Variants in DERPC observed in about 807,000 individuals in gnomAD.
DERPC encodes the protein decreased expression in renal and prostate cancer protein.
In DERPC, 1 loss-of-function variant was observed where a neutral mutation model predicts 7.2. That is an observed-to-expected ratio of 0.14 (90% CI 0.05 to 0.66). The LOEUF (loss-of-function observed/expected upper bound fraction) is 0.66. DERPC is among the 30% of genes least tolerant of loss of function. DERPC has a pLI of 0.84. For missense variants in DERPC, 502 were observed against 299.4 expected, an observed-to-expected ratio of 1.68 and a Z score of -4.99; for synonymous variants, 185 against 117.6, an observed-to-expected ratio of 1.57 and a Z score of -3.71.
Position 69,120,519 on chromosome 16 carries a change from C to G in DERPC, c.-91G>C, listed in dbSNP as rs1171102841. 6.2e-7 allele frequency: 1 copy of G among 1,614,048 alleles called. No homozygotes were observed. Among genetic ancestry groups the G allele is most frequent in the Non-Finnish European group, 8.5e-7 (1 of 1,179,990 alleles). On this transcript the variant is annotated 5_prime_UTR_variant, in exon 3 of 3. Transcript: ENST00000519520. The surrounding 1 kb of genome is among the most constrained non-coding windows in gnomAD (Gnocchi z 4.0). The stretch of plus-strand genomic sequence containing the variant: ...GAGTGCTGTCACCAGGTACCGGGTG[C>G]CAGTCTCGCGGCCAAGCTCATCACA...
chr16:69,125,312 T>G (rs1464567512), intron 1 of DERPC, among the ~76,000 whole-genome samples: 1 of 152,216 alleles, frequency 6.6e-6, no homozygotes, highest in Non-Finnish European at 1.5e-5. Flanking sequence ...CATTCAACCA[T>G]CATCACAAGT....
At chr16:69,125,613 C>T (rs936106752) in intron 1 of DERPC, among the ~76,000 whole-genome samples, 1 of 152,192 alleles carries the variant, frequency 6.6e-6, no homozygotes, top group Non-Finnish European at 1.5e-5. Context: ...TGAGTCAGAC[C>T]TTCTGCACCA....
intron 1 of DERPC, among the ~76,000 whole-genome samples, chr16:69,130,653 G>T (rs1962431891): frequency 6.6e-6 from 1 of 152,198 alleles, no homozygotes; most frequent in South Asian, 2.1e-4. Flanking sequence ...AACGAGTAAT[G>T]AATGTAAAGC....
At position 69,120,509 on chromosome 16, in the gene DERPC, G is replaced by A. The variant is rs1226379447; in HGVS notation, c.-81C>T. 6.2e-7 allele frequency: 1 copy of A among 1,614,034 alleles called. No homozygotes were observed. The highest frequency in any genetic ancestry group is 1.7e-5 in the Admixed American group (1 of 60,006). Reference sequence around the variant, plus strand: ...TGTCTTTGATGAGTGCTGTCACCAGGTACCGGGTGCCAGTCTCGCGGCCAA... The same window carrying A: ...TGTCTTTGATGAGTGCTGTCACCAGATACCGGGTGCCAGTCTCGCGGCCAA... On this transcript the variant is annotated 5_prime_UTR_variant, in exon 3 of 3. Transcript: ENST00000519520. This position sits in a 1 kb window ranked among gnomAD's most constrained non-coding sequence, Gnocchi z 4.0.
In DERPC at chr16:69,118,739, A is replaced by G. The variant is rs762134855; in HGVS notation, c.*115T>C. The G allele has an allele frequency of 3.1e-6, 2 of 639,232 alleles. No homozygotes were observed. The highest frequency in any genetic ancestry group is 1.8e-5 in the African/African-American group (1 of 55,008). 39.6% of individuals were successfully genotyped at this position (639,232 alleles called of 1,614,324 possible). On this transcript the variant is annotated 3_prime_UTR_variant, in exon 3 of 3. Transcript: ENST00000519520. ...GAAAAAGATGGCTCATTTGAACTTG[A>G]GCCCAAGCTATGTTCTTCAGACTGT...
rs763651430 is a variant in DERPC at position 69,119,376 on chromosome 16, T to A, written c.1053A>T (p.Pro351=). The change falls in exon 3 of 3, where the codon CCA becomes CCT. Residue 351 remains proline (P), a synonymous_variant. Transcript: ENST00000519520. ...IGPNSAHFSR[P]VGPMGVNANP... ...TGGCATTTACCCCCATGGGGCCAAC[T>A]GGCCTTGAGAAATGAGCTGAATTAG... 41 of 702,900 alleles carry A rather than the reference T, an allele frequency of 5.8e-5. No individual in the cohort carries two copies. The allele number at this position is 702,900 out of a possible 1,614,324, so 43.5% of individuals were successfully genotyped here.
chr16:69,118,649 T>C lies in DERPC; in HGVS notation c.*205A>G. 1 of 695,820 alleles carries C rather than the reference T, an allele frequency of 1.4e-6. No individual in the cohort carries two copies. The highest frequency in any genetic ancestry group is 2.6e-6 in the Non-Finnish European group (1 of 380,838). The allele number at this position is 695,820 out of a possible 1,614,324, so 43.1% of individuals were successfully genotyped here. ...ATCCTTTCTCTCAAGGGCAGGATTA[T>C]TCCCACCTGCCACAGTTCACATGCC... is the stretch of plus-strand genomic sequence containing the variant. On this transcript the variant is annotated 3_prime_UTR_variant, in exon 3 of 3. Coordinates refer to ENST00000519520, the MANE Select transcript of DERPC (RefSeq NM_001002847.4).
chr16:69,121,513 G>A lies in DERPC; in HGVS notation c.-279-20C>T, dbSNP rs1037245919. ...AACAAGCTGTAGAGAGAAAAAAAGA[G>A]ATTTAGGGTAATAACAACAACAACT... On this transcript the variant is annotated intron_variant, in intron 1 of 2. Coordinates refer to ENST00000519520, the MANE Select transcript of DERPC (RefSeq NM_001002847.4). The A allele has an allele frequency of 9.5e-6, 14 of 1,469,440 alleles. No individual in the cohort carries two copies. The Admixed American group carries it at 1.0e-4, about 11-fold the overall frequency. The allele number at this position is 1,469,440 out of a possible 1,614,324, so 91.0% of individuals were successfully genotyped here.
At position 69,119,821 on chromosome 16, in the gene DERPC, A is replaced by G. The variant is rs1961487940; in HGVS notation, c.608T>C (p.Val203Ala). Residue 203 changes from valine to alanine, a missense_variant, in exon 3 of 3, where the codon GTT becomes GCT. Physicochemically the swap from Val to Ala is moderately conservative, Grantham distance 64. Coordinates refer to ENST00000519520, the MANE Select transcript of DERPC (RefSeq NM_001002847.4). ...SGNGPPNPRPVGLGPGPNPNL... is the reference protein window; with the variant it reads ...SGNGPPNPRPAGLGPGPNPNL... Reference sequence around the variant, plus strand: ...GGGGTTTGGTCCTGGGCCCAGGCCAACTGGCCTAGGATTGGGAGGACCATT... The same window carrying G: ...GGGGTTTGGTCCTGGGCCCAGGCCAGCTGGCCTAGGATTGGGAGGACCATT... 1.3e-5 allele frequency: 9 copies of G among 701,114 alleles called. No individual in the cohort carries two copies. The highest frequency in any genetic ancestry group is 1.8e-5 in the Non-Finnish European group (7 of 384,968). 43.4% of individuals were successfully genotyped at this position (701,114 alleles called of 1,614,324 possible). A position where few individuals can be genotyped will look rare whatever the true frequency, so the allele number is the denominator to read the frequency against.
At chr16:69,122,286 AGAT>A (rs1227307684) in intron 1 of DERPC, among the ~76,000 whole-genome samples, 1 of 152,214 alleles carries the variant, frequency 6.6e-6, no homozygotes, top group African/African-American at 2.4e-5. Flanking sequence ...ACTAAGGAAA[AGAT>A]GATATGAACC....
At chr16:69,125,860 C>T (rs1962024027) in intron 1 of DERPC, among the ~76,000 whole-genome samples, 1 of 152,182 alleles carries the variant, frequency 6.6e-6, no homozygotes, top group Non-Finnish European at 1.5e-5. Context: ...GTGACTATGA[C>T]ACCTAGATTA....
chr16:69,120,749 C>A lies in DERPC; in HGVS notation c.-221-100G>T. On this transcript the variant is annotated intron_variant, in intron 2 of 2. Coordinates refer to ENST00000519520, the MANE Select transcript of DERPC (RefSeq NM_001002847.4). This position sits in a 1 kb window ranked among gnomAD's most constrained non-coding sequence, Gnocchi z 4.0. ...TCTTGGCAGGCTATGCTGGCACCTC[C>A]AATCCCTGGTCTGGCTCTGCCATTG... The A allele has an allele frequency of 9.8e-7, 1 of 1,023,054 alleles. No individual in the cohort carries two copies. Among genetic ancestry groups the A allele is most frequent in the Non-Finnish European group, 1.5e-6 (1 of 679,268 alleles). 63.4% of individuals were successfully genotyped at this position (1,023,054 alleles called of 1,614,324 possible).
At chr16:69,122,363 T>G (rs1487706182) in intron 1 of DERPC, among the ~76,000 whole-genome samples, 1 of 150,278 alleles carries the variant, frequency 6.7e-6, no homozygotes, top group East Asian at 1.9e-4. Context: ...CTTAAGGATA[T>G]TCTTTTTTTT....
chr16:69,128,340 T>C (rs1962238926), intron 1 of DERPC, among the ~76,000 whole-genome samples: 1 of 152,164 alleles, frequency 6.6e-6, no homozygotes, highest in Non-Finnish European at 1.5e-5. Flanking sequence ...TGATGTAGCT[T>C]TTCAAAAAGA....
At chr16:69,130,536 C>A (rs1962423212) in intron 1 of DERPC, among the ~76,000 whole-genome samples, 1 of 152,174 alleles carries the variant, frequency 6.6e-6, no homozygotes, top group Non-Finnish European at 1.5e-5. Flanking sequence ...GACCTGGATT[C>A]TGTGATTTTG....
At position 69,120,809 on chromosome 16, in the gene DERPC, C is replaced by T; in HGVS notation, c.-221-160G>A. 1 of 729,902 alleles carries T rather than the reference C, an allele frequency of 1.4e-6. No individual in the cohort carries two copies. The highest frequency in any genetic ancestry group is 1.6e-5 in the South Asian group (1 of 61,130). 45.2% of individuals were successfully genotyped at this position (729,902 alleles called of 1,614,324 possible). A position where few individuals can be genotyped will look rare whatever the true frequency, so the allele number is the denominator to read the frequency against. ...CACACTGGACCACCCACCCATGTGC[C>T]CTTTTTACTTTCTAGCCCCACATAG... On this transcript the variant is annotated intron_variant, in intron 2 of 2. Coordinates refer to ENST00000519520, the MANE Select transcript of DERPC (RefSeq NM_001002847.4). This position sits in a 1 kb window ranked among gnomAD's most constrained non-coding sequence, Gnocchi z 4.0.
intron 1 of DERPC, among the ~76,000 whole-genome samples, chr16:69,122,065 T>C (rs1273197235): frequency 6.6e-6 from 1 of 152,192 alleles, no homozygotes; most frequent in Non-Finnish European, 1.5e-5. Flanking sequence ...GGATTACAGG[T>C]GTGAGCCACC....
Position 69,124,760 on chromosome 16 carries a change from C to CA in DERPC, c.-279-3268dup, listed in dbSNP as rs1468342316. Among the ~76,000 whole-genome samples the CA allele has an allele frequency of 4.7e-4, 72 of 152,124 alleles. 1 individual carries two copies. The highest frequency in any genetic ancestry group is 1.6e-3 in the African/African-American group (67 of 41,424). ...CAGGGATCCTCCCACATCAGCCTCC[C>CA]AAAGTGGTGGGATTACAGGCGTGAG... On this transcript the variant is annotated intron_variant, in intron 1 of 2. Coordinates refer to ENST00000519520, the MANE Select transcript of DERPC (RefSeq NM_001002847.4).
At chr16:69,126,731 C>G (rs1962086461) in intron 1 of DERPC, among the ~76,000 whole-genome samples, 1 of 152,192 alleles carries the variant, frequency 6.6e-6, no homozygotes, top group Admixed American at 6.5e-5. Context: ...TAGTCAGGAA[C>G]GTAGAGGAGG....
Sources: gnomAD v4.1 joint callset for allele counts (sites outside exome capture counted in the v4.1 genomes callset) on GRCh38, gnomAD v4.1.1 for gene constraint, Gnocchi (gnomAD v3.1) non-coding constraint, MANE v1.5 for transcripts, NCBI Gene and HGNC (gene_info 2026-07-23, HGNC 2026-07-21) for gene names.